Variants in TECTA observed in about 807,000 individuals in gnomAD.
TECTA encodes the protein tectorin alpha, also known as alpha-tectorin.
Under a neutral mutation model 216.8 loss-of-function variants are expected in TECTA, and 128 were observed. That is an observed-to-expected ratio of 0.59 (90% CI 0.51 to 0.68). The LOEUF is 0.68. Ranked by LOEUF, TECTA falls within the 30% of genes least tolerant of loss-of-function variation. TECTA has a pLI of 0.00. For missense variants in TECTA, 2,551 were observed against 2,786.2 expected, an observed-to-expected ratio of 0.92 and a Z score of 1.90; for synonymous variants, 1,089 against 1,117.1, an observed-to-expected ratio of 0.97 and a Z score of 0.50.
chr11:121,148,989 A>G (rs1051906517), intron 12 of TECTA, among the ~76,000 whole-genome samples: 1 of 152,226 alleles, frequency 6.6e-6, no homozygotes, highest in Non-Finnish European at 1.5e-5. Flanking sequence ...GAGGAGAAAG[A>G]GAAGGAAATA....
chr11:121,151,463 A>T (rs1946888774), intron 12 of TECTA, among the ~76,000 whole-genome samples: 1 of 152,244 alleles, frequency 6.6e-6, no homozygotes, highest in Non-Finnish European at 1.5e-5. Flanking sequence ...GAAAGCAATG[A>T]GCAGAAATGT....
rs1216731909 is a variant in TECTA, at chr11:121,157,953, G to T, written c.4418G>T (p.Arg1473Leu). Residue 1473 changes from arginine (R) to leucine (L), a missense_variant, in exon 14 of 24, where the codon CGC (arginine) becomes CTC (leucine). Transcript: ENST00000392793. Reference sequence around the variant, plus strand: ...AAGTCAGACGAGGAGTGTGCGCTGCGCAACGGGGTGCGCGGCTGCTTCAGC... The same window carrying T: ...AAGTCAGACGAGGAGTGTGCGCTGCTCAACGGGGTGCGCGGCTGCTTCAGC... ...QCKSDEECAL[R>L]NGVRGCFSTK... 1.2e-6 allele frequency: 2 copies of T among 1,613,718 alleles called. No homozygotes were observed. Among genetic ancestry groups the T allele is most frequent in the African/African-American group, 2.7e-5 (2 of 74,938 alleles).
At chr11:121,157,156 C>CA (rs936483744) in intron 13 of TECTA, among the ~76,000 whole-genome samples, 1 of 152,186 alleles carries the variant, frequency 6.6e-6, no homozygotes, top group Non-Finnish European at 1.5e-5. Flanking sequence ...ATCTTTGAAG[C>CA]AGAGTCTGTA....
intron 11 of TECTA, among the ~76,000 whole-genome samples, chr11:121,139,926 T>A (rs1476790609): frequency 1.3e-5 from 2 of 152,206 alleles, no homozygotes; most frequent in Admixed American, 1.3e-4. Flanking sequence ...TTAAAACAAA[T>A]ATATCGATCG....
At position 121,129,835 on chromosome 11, in the gene TECTA, C is replaced by T. The variant is rs747008995; in HGVS notation, c.2565C>T (p.Asn855=). ...TGGLCGFYNA[N]ASDEFCLPNG... ...GCTTGTGCGGCTTCTACAATGCCAA[C>T]GCCAGTGACGAGTTCTGTCTCCCCA... The change falls in exon 10 of 24, where the codon AAC becomes AAT. Residue 855 remains asparagine (N), a synonymous_variant. Coordinates refer to ENST00000392793, the MANE Select transcript of TECTA (RefSeq NM_005422.4). The T allele has an allele frequency of 2.2e-5, 35 of 1,614,088 alleles. No homozygotes were observed. The highest frequency in any genetic ancestry group is 1.6e-4 in the Middle Eastern group (1 of 6,084).
chr11:121,177,984 G>A (rs954460864), intron 20 of TECTA, among the ~76,000 whole-genome samples: 11 of 152,260 alleles, frequency 7.2e-5, no homozygotes, highest in African/African-American at 2.7e-4. Flanking sequence ...CTCTGAGCCA[G>A]GTGTGGGATA....
At chr11:121,152,779 C>G in intron 12 of TECTA, 102 bp from the exon 13 acceptor site, 1 of 1,259,894 alleles carries the variant, frequency 7.9e-7, no homozygotes, top group Admixed American at 2.0e-5. Context: ...CCTGCCTCTC[C>G]CCGTGCCTTT....
chr11:121,183,218 T>C (rs1440148682), intron 20 of TECTA, among the ~76,000 whole-genome samples: 2 of 152,064 alleles, frequency 1.3e-5, no homozygotes, highest in African/African-American at 4.8e-5. Flanking sequence ...TCCAGGGATG[T>C]GAAGAAGCAG....
At position 121,128,116 on chromosome 11, in the gene TECTA, C is replaced by A. The variant is rs768295360; in HGVS notation, c.2139C>A (p.Cys713Ter). 6.2e-6 allele frequency: 10 copies of A among 1,612,872 alleles called. No homozygotes were observed. Among genetic ancestry groups the A allele is most frequent in the Non-Finnish European group, 8.5e-6 (10 of 1,179,978 alleles). ...GCTTCCCCAAGCGGGAGACCGTGTG[C>A]CTGCTCAGCCAGAACCAGGTGCTGC... ...QGCFPKRETV[C>*]LLSQNQVLHT... Residue 713 changes from cysteine (C) to a stop codon, truncating the protein, a stop_gained, in exon 9 of 24, where the codon TGC becomes TGA. Transcript: ENST00000392793. LOFTEE classifies it high-confidence loss of function.
intron 4 of TECTA, chr11:121,109,818 T>G: frequency 5.4e-6 from 2 of 370,408 alleles, no homozygotes; most frequent in Non-Finnish European, 5.1e-6. Context: ...CTGAGACCCA[T>G]TCCAGGCCAC....
chr11:121,169,630 TG>T (rs1947091369), intron 20 of TECTA, among the ~76,000 whole-genome samples: 1 of 152,260 alleles, frequency 6.6e-6, no homozygotes, highest in Non-Finnish European at 1.5e-5. Context: ...TAAAAATCAA[TG>T]GTTTTTGGTA....
chr11:121,182,927 G>A (rs1947244840), intron 20 of TECTA, among the ~76,000 whole-genome samples: 1 of 152,218 alleles, frequency 6.6e-6, no homozygotes, highest in South Asian at 2.1e-4. Context: ...CAGGCCCCCT[G>A]AAGGTGTATA....
Position 121,105,888 on chromosome 11 carries a change from T to A in TECTA, c.122T>A (p.Val41Glu). The A allele has an allele frequency of 1.2e-6, 2 of 1,614,200 alleles. No homozygotes were observed. The highest frequency in any genetic ancestry group is 1.7e-6 in the Non-Finnish European group (2 of 1,180,018). ...FWQNDTKTPK[V>E]DDGSSSEIKL... ...CAGAATGACACCAAAACCCCTAAAG[T>A]AGATGATGGAAGCTCATCTGAGATT... is the stretch of plus-strand genomic sequence containing the variant. The change falls in exon 3 of 24, where the codon GTA (valine) becomes GAA (glutamate). Residue 41 changes from valine (V) to glutamate (E), a missense_variant. Around this residue, in one of 3 missense-constraint regions of TECTA, gnomAD observed 2,375 missense variants for 2,563.9 expected, o/e 0.93. Transcript: ENST00000392793. This position sits in a 1 kb window ranked among gnomAD's most constrained non-coding sequence, Gnocchi z 5.3.
chr11:121,125,899 A>G (rs771042934), intron 8 of TECTA, 27 bp downstream of exon 8: 6 of 1,600,958 alleles, frequency 3.7e-6, no homozygotes, highest in Non-Finnish European at 4.2e-6. Flanking sequence ...TCCCCATGAC[A>G]GGTCTCTCTT....
Position 121,168,669 on chromosome 11 carries a change from C to G in TECTA, c.5751-8C>G. The G allele has an allele frequency of 6.2e-7, 1 of 1,613,984 alleles. No individual in the cohort carries two copies. The highest frequency in any genetic ancestry group is 8.5e-7 in the Non-Finnish European group (1 of 1,179,952). ...TGGATTCCTGTCTCATAATTGTTTC[C>G]GTTTTAGTGTAATTAACCTGACAGT... On this transcript the variant is annotated splice_polypyrimidine_tract_variant and splice_region_variant and intron_variant, in intron 19 of 23. Coordinates refer to ENST00000392793, the MANE Select transcript of TECTA (RefSeq NM_005422.4).
chr11:121,187,798 G>A (rs746854574), intron 20 of TECTA, 34 bp from the exon 21 acceptor site: 3 of 1,613,538 alleles, frequency 1.9e-6, no homozygotes, highest in Admixed American at 1.7e-5. Context: ...AGGAAAACAT[G>A]TGAAGCAAAG....
At chr11:121,181,876 T>C (rs1947233335) in intron 20 of TECTA, among the ~76,000 whole-genome samples, 1 of 152,244 alleles carries the variant, frequency 6.6e-6, no homozygotes, top group Admixed American at 6.5e-5. Flanking sequence ...ATTTTATGGA[T>C]TGGCTTTTGT....
intron 11 of TECTA, among the ~76,000 whole-genome samples, chr11:121,142,838 CT>C (rs1334225066): frequency 6.6e-6 from 1 of 152,168 alleles, no homozygotes; most frequent in Non-Finnish European, 1.5e-5. Context: ...CCTGTGCCAC[CT>C]CTTTGTTGCC....
chr11:121,109,122 TAC>T, intron 3 of TECTA, 87 bp from the exon 4 acceptor site: 1 of 1,456,862 alleles, frequency 6.9e-7, no homozygotes, highest in Non-Finnish European at 9.5e-7. Flanking sequence ...TTTTCATTCA[TAC>T]AGTTAGGCGA....
Sources: gnomAD v4.1 joint callset for allele counts (sites outside exome capture counted in the v4.1 genomes callset) on GRCh38, gnomAD v4.1.1 for gene constraint, gnomAD v4.1.1 regional missense constraint, Gnocchi (gnomAD v3.1) non-coding constraint, MANE v1.5 for transcripts, NCBI Gene and HGNC (gene_info 2026-07-23, HGNC 2026-07-21) for gene names.